NDUFA10: variants seen among roughly 807,000 people sequenced by gnomAD.
NDUFA10 encodes the protein NADH dehydrogenase [ubiquinone] 1 alpha subcomplex subunit 10, mitochondrial.
In NDUFA10, 40 loss-of-function variants were observed where a neutral mutation model predicts 47.8. The ratio of observed to expected loss-of-function variants is 0.84; its 90% CI spans 0.65 to 1.09. NDUFA10 has a LOEUF of 1.09. Ranked by LOEUF, NDUFA10 falls within the 50% of genes least tolerant of loss-of-function variation. NDUFA10 has a pLI of 0.00. For synonymous variants in NDUFA10, 183 were observed against 172.2 expected, an observed-to-expected ratio of 1.06 and a Z score of -0.49; for missense variants, 413 against 451.1, an observed-to-expected ratio of 0.92 and a Z score of 0.76.
At chr2:239,893,190 C>T (rs6722233) in intron 5 of NDUFA10, among the ~76,000 whole-genome samples, 62,234 of 152,128 alleles carry the variant, frequency 0.41, 13,127 homozygotes, top group East Asian at 0.55. Flanking sequence ...TGGGCTGATG[C>T]GGCTCAATCA....
intron 4 of NDUFA10, among the ~76,000 whole-genome samples, chr2:239,922,826 A>G (rs1559284917): frequency 1.3e-5 from 2 of 152,246 alleles, no homozygotes; most frequent in Admixed American, 6.5e-5. Flanking sequence ...ACAGGTGTGC[A>G]GTGTGCCAGC....
intron 4 of NDUFA10, 157 bp downstream of exon 4, chr2:240,018,396 T>C: frequency 6.5e-7 from 1 of 1,545,316 alleles, no homozygotes; most frequent in Non-Finnish European, 8.8e-7. Context: ...GGAAGATACT[T>C]AGGAAGTTCC....
At chr2:240,017,366 A>G (rs1480191300) in intron 4 of NDUFA10, among the ~76,000 whole-genome samples, 1 of 151,690 alleles carries the variant, frequency 6.6e-6, no homozygotes, top group Non-Finnish European at 1.5e-5. Context: ...CCATCCCCAC[A>G]CGTCCCTCAC....
intron 5 of NDUFA10, among the ~76,000 whole-genome samples, chr2:239,894,891 G>A (rs1467910628): frequency 2.6e-5 from 4 of 152,052 alleles, no homozygotes; most frequent in Non-Finnish European, 4.4e-5. Context: ...ACGATCCTGA[G>A]GTACCTCAAA....
intron 8 of NDUFA10, among the ~76,000 whole-genome samples, chr2:239,993,995 G>A (rs948140301): frequency 2.6e-5 from 4 of 152,064 alleles, no homozygotes; most frequent in African/African-American, 9.7e-5. Context: ...GCCCCACACA[G>A]TCACACAACC....
intron 9 of NDUFA10, among the ~76,000 whole-genome samples, chr2:239,974,219 G>A (rs1228124553): frequency 2.0e-5 from 3 of 152,178 alleles, no homozygotes; most frequent in African/African-American, 7.2e-5. Context: ...GTGAGCCACT[G>A]CACCCAATGA....
At chr2:240,022,131 T>G (rs2106504078) in intron 2 of NDUFA10, 41 bp downstream of exon 2, 2 of 1,562,962 alleles carry the variant, frequency 1.3e-6, no homozygotes, top group East Asian at 4.5e-5. Flanking sequence ...CAACCATATA[T>G]CTGAGAAAAA....
chr2:239,998,146 A>G (rs554197246), intron 8 of NDUFA10, among the ~76,000 whole-genome samples: 3 of 152,198 alleles, frequency 2.0e-5, no homozygotes, highest in Non-Finnish European at 4.4e-5. Context: ...TTGATTCTAT[A>G]TTCAACCTTT....
chr2:239,942,317 C>T (rs900562210), intron 4 of NDUFA10, among the ~76,000 whole-genome samples: 7 of 152,356 alleles, frequency 4.6e-5, no homozygotes, highest in African/African-American at 1.4e-4. Flanking sequence ...GGCGCCTGAG[C>T]CAGCAGGCCT....
chr2:239,972,590 G>A (rs373900017), intron 9 of NDUFA10, among the ~76,000 whole-genome samples: 3 of 152,116 alleles, frequency 2.0e-5, no homozygotes, highest in African/African-American at 7.2e-5. Flanking sequence ...AACACAAATC[G>A]AATGTAACAA....
rs942935610 is a variant in NDUFA10, at chr2:239,928,183, A to G, written c.295-32869T>C. On this transcript the variant is annotated intron_variant, in intron 4 of 5. Coordinates refer to the NDUFA10 transcript ENST00000419408. The surrounding 1 kb of genome is among the most constrained non-coding windows in gnomAD (Gnocchi z 4.3). Reference sequence around the variant, plus strand: ...ATTCCAGGACTTTAAAAAAAAAATAACAAAAGAAGAAAACAAATGTAACAG... The same window carrying G: ...ATTCCAGGACTTTAAAAAAAAAATAGCAAAAGAAGAAAACAAATGTAACAG... Among the ~76,000 whole-genome samples, 1 of 151,820 alleles carries G rather than the reference A, an allele frequency of 6.6e-6. No homozygotes were observed.
intron 3 of NDUFA10, among the ~76,000 whole-genome samples, 161 bp from the exon 4 acceptor site, chr2:240,018,800 C>A (rs1218520153): frequency 2.6e-5 from 4 of 152,176 alleles, no homozygotes; most frequent in African/African-American, 9.7e-5. Flanking sequence ...AGTGGGAAAC[C>A]ATTTTCAAAA....
intron 4 of NDUFA10, among the ~76,000 whole-genome samples, chr2:239,949,174 G>A (rs760497640): frequency 4.6e-5 from 7 of 152,350 alleles, no homozygotes; most frequent in Non-Finnish European, 8.8e-5. Context: ...CTGATTGAGC[G>A]ACTTCTTCCA....
chr2:239,941,238 T>C (rs1204586968), intron 4 of NDUFA10, among the ~76,000 whole-genome samples: 1 of 152,160 alleles, frequency 6.6e-6, no homozygotes, highest in South Asian at 2.1e-4. Context: ...TGTCAGAACA[T>C]ATGCAAACAA....
chr2:239,899,971 G>C (rs1693514237), intron 4 of NDUFA10, among the ~76,000 whole-genome samples: 2 of 151,908 alleles, frequency 1.3e-5, no homozygotes, highest in Admixed American at 1.3e-4. Flanking sequence ...CATTATCTGG[G>C]TGGGCACCAT....
At chr2:239,981,248 C>A (rs34293251) in intron 9 of NDUFA10, among the ~76,000 whole-genome samples, 1 of 152,218 alleles carries the variant, frequency 6.6e-6, no homozygotes, top group African/African-American at 2.4e-5. Context: ...CCCACTCTCA[C>A]CAAATGCCCA....
chr2:239,907,593 A>G (rs374068945), intron 4 of NDUFA10, among the ~76,000 whole-genome samples: 5 of 152,186 alleles, frequency 3.3e-5, no homozygotes, highest in African/African-American at 9.7e-5. Context: ...CGAAGGATAT[A>G]AACAGACACT....
intron 4 of NDUFA10, among the ~76,000 whole-genome samples, chr2:239,905,992 A>G (rs891864701): frequency 6.6e-6 from 1 of 152,024 alleles, no homozygotes; most frequent in Admixed American, 6.5e-5. Context: ...CATGCGCGGG[A>G]GGCCTGGCCT....
chr2:239,969,237 G>T (rs1181455038), intron 9 of NDUFA10, among the ~76,000 whole-genome samples: 1 of 152,204 alleles, frequency 6.6e-6, no homozygotes, highest in Non-Finnish European at 1.5e-5. Context: ...AAAATGTTCA[G>T]TATGCTCTAA....
Sources: allele counts gnomAD v4.1 joint callset (sites outside exome capture counted in the v4.1 genomes callset), GRCh38; gene constraint gnomAD v4.1.1; non-coding constraint Gnocchi (gnomAD v3.1); transcripts MANE v1.5; gene names NCBI Gene and HGNC (gene_info 2026-07-23, HGNC 2026-07-21).